The following DGKI variants were observed in gnomAD, a reference collection of about 807,000 sequenced individuals.
DGKI encodes diacylglycerol kinase iota.
A neutral mutation model predicts 147.5 loss-of-function variants in DGKI; 55 were observed. The ratio of observed to expected loss-of-function variants is 0.37; its 90% confidence interval spans 0.30 to 0.47. The LOEUF (loss-of-function observed/expected upper bound fraction) is 0.47. Among genes scored for constraint, DGKI ranks in the 20% least tolerant of loss-of-function variants. The pLI is 1.00. For synonymous variants in DGKI, 469 were observed against 477.1 expected (o/e 0.98, Z 0.22); for missense variants, 1,007 against 1,323.8 (o/e 0.76, Z 3.71).
At chr7:137,579,277 G>A (rs1441454202) in intron 15 of DGKI, among the ~76,000 whole-genome samples, 1 of 151,940 alleles carries the variant, frequency 6.6e-6, no homozygotes, top group East Asian at 1.9e-4. Context: ...AGTTTTCTTG[G>A]TTTGAGAACA....
chr7:137,625,089 C>T (rs1035951761), intron 6 of DGKI, among the ~76,000 whole-genome samples: 3 of 152,202 alleles, frequency 2.0e-5, no homozygotes, highest in Non-Finnish European at 2.9e-5. Flanking sequence ...CCATCAATAC[C>T]TCCTTCTCAA....
At chr7:137,804,953 T>C (rs1022104883) in intron 1 of DGKI, among the ~76,000 whole-genome samples, 4 of 152,196 alleles carry the variant, frequency 2.6e-5, no homozygotes, top group Non-Finnish European at 5.9e-5. Context: ...CAGCTGTATT[T>C]CCACCAACTC....
At chr7:137,731,092 G>A (rs1004022749) in intron 1 of DGKI, among the ~76,000 whole-genome samples, 14 of 151,910 alleles carry the variant, frequency 9.2e-5, no homozygotes, top group African/African-American at 3.4e-4. Flanking sequence ...TCCCTACCAC[G>A]GGGCCTTCAC....
At chr7:137,691,798 G>GTTTTTTTTTTTTTTTTTTTTTTTTTTTTT (rs796902464) in intron 1 of DGKI, among the ~76,000 whole-genome samples, 10 of 95,818 alleles carry the variant, frequency 1.0e-4, no homozygotes, top group African/African-American at 2.3e-4. Context: ...AGACCTTTGG[G>GTTTTTTTTTTTTTTTTTTTTTTTTTTTTT]TTTTTTTTTT....
intron 27 of DGKI, among the ~76,000 whole-genome samples, chr7:137,457,108 A>G (rs1814234412): frequency 6.6e-6 from 1 of 152,136 alleles, no homozygotes; most frequent in Non-Finnish European, 1.5e-5. Context: ...GCTATCCTGT[A>G]TTTTTCCAGC....
chr7:137,454,618 T>A (rs1177859788), intron 27 of DGKI: 1 of 152,128 alleles, frequency 6.6e-6, no homozygotes. Context: ...CCAGCACAGT[T>A]GTGAAGCAAT....
Position 137,466,038 on chromosome 7 carries a change from A to G in DGKI, c.2485-3T>C, listed in dbSNP as rs1585140695. 2 of 1,613,532 alleles carry G rather than the reference A, an allele frequency of 1.2e-6. No individual in the cohort carries two copies. The highest frequency in any genetic ancestry group is 2.7e-5 in the African/African-American group (2 of 75,034). On this transcript the variant is annotated splice_polypyrimidine_tract_variant and splice_region_variant and intron_variant, in intron 25 of 32. Transcript: ENST00000614521. The stretch of plus-strand genomic sequence containing the variant: ...TCCATCACAAAGTGCAAATGTTCCT[A>G]AAGAAGAACAAGAAGTCTGTTGCAT...
At chr7:137,554,877 A>C (rs1387283567) in intron 19 of DGKI, among the ~76,000 whole-genome samples, 27 of 151,600 alleles carry the variant, frequency 1.8e-4, no homozygotes. Flanking sequence ...CTCTTGTAAG[A>C]CTAAACAAAA....
intron 2 of DGKI, among the ~76,000 whole-genome samples, chr7:137,681,873 C>T (rs572335383): frequency 3.3e-5 from 5 of 152,370 alleles, no homozygotes; most frequent in African/African-American, 1.2e-4. Flanking sequence ...ATCAGCTTGA[C>T]CCCCAGAGGG....
At chr7:137,402,881 A>G (rs12668431) in intron 30 of DGKI, among the ~76,000 whole-genome samples, 1 of 152,198 alleles carries the variant, frequency 6.6e-6, no homozygotes, top group African/African-American at 2.4e-5. Flanking sequence ...GAAAAGAAAG[A>G]CTGAAGACAG....
intron 1 of DGKI, among the ~76,000 whole-genome samples, chr7:137,733,705 C>T (rs764399107): frequency 6.6e-6 from 1 of 151,896 alleles, no homozygotes; most frequent in East Asian, 1.9e-4. Context: ...AAATCATGGG[C>T]GTGACAGAAG....
At chr7:137,541,427 T>C (rs1427982221) in intron 20 of DGKI, among the ~76,000 whole-genome samples, 1 of 152,244 alleles carries the variant, frequency 6.6e-6, no homozygotes, top group African/African-American at 2.4e-5. Context: ...ATTTAACAAC[T>C]ATTTACATAG....
At chr7:137,646,340 T>C (rs181157626) in intron 5 of DGKI, among the ~76,000 whole-genome samples, 27 of 152,320 alleles carry the variant, frequency 1.8e-4, no homozygotes, top group African/African-American at 6.0e-4. Flanking sequence ...GATACAAGCA[T>C]ATCAATGATG....
rs1056597483 is a variant in DGKI, at chr7:137,638,277, G to A, written c.804+7195C>T. Reference sequence around the variant, plus strand: ...TTTGCTTCTCACCTTTCACCTCTTCGTCTCTTCTTTCCTCTCCATATACAT... The same window carrying A: ...TTTGCTTCTCACCTTTCACCTCTTCATCTCTTCTTTCCTCTCCATATACAT... On this transcript the variant is annotated intron_variant, in intron 6 of 32. Transcript: ENST00000614521. Among the ~76,000 whole-genome samples the A allele has an allele frequency of 1.6e-4, 24 of 150,878 alleles. 1 individual carries two copies. The East Asian group carries it at 3.1e-3, about 20-fold the overall frequency.
intron 19 of DGKI, among the ~76,000 whole-genome samples, chr7:137,563,955 C>A (rs1723091): frequency 0.11 from 16,626 of 151,868 alleles, 2,043 homozygotes; most frequent in African/African-American, 0.3. Context: ...TGCAAATGCC[C>A]AAAGATCTAG....
intron 21 of DGKI, among the ~76,000 whole-genome samples, chr7:137,503,984 TCTAAA>T (rs1162485604): frequency 3.3e-5 from 5 of 152,042 alleles, no homozygotes; most frequent in Admixed American, 2.6e-4. Context: ...GTCTCTAGAG[TCTAAA>T]CTAAAGCATG....
At chr7:137,702,217 C>G (rs1824007792) in intron 1 of DGKI, among the ~76,000 whole-genome samples, 1 of 152,038 alleles carries the variant, frequency 6.6e-6, no homozygotes. Context: ...TTTTAAAAAA[C>G]TGAATGACCT....
chr7:137,588,463 G>A (rs1819485707), intron 12 of DGKI, among the ~76,000 whole-genome samples: 1 of 146,724 alleles, frequency 6.8e-6, no homozygotes, highest in Admixed American at 6.7e-5. Context: ...CACAAAGATG[G>A]ACATACCGAT....
chr7:137,530,141 A>G (rs1817290044), intron 20 of DGKI, among the ~76,000 whole-genome samples: 1 of 152,174 alleles, frequency 6.6e-6, no homozygotes, highest in African/African-American at 2.4e-5. Context: ...TTCCCTCTCC[A>G]TAAGACTATA....
Sources: allele counts gnomAD v4.1 joint callset (sites outside exome capture counted in the v4.1 genomes callset), GRCh38; gene constraint gnomAD v4.1.1; transcripts MANE v1.5; gene names NCBI Gene and HGNC (gene_info 2026-07-23, HGNC 2026-07-21).